QTGAL: variants seen among roughly 807,000 people sequenced by gnomAD.
The protein encoded by QTGAL is BGnT-like protein 1.
the QTGAL span, among the ~76,000 whole-genome samples, chr17:82,982,499 C>T: frequency 2.0e-5 from 3 of 152,126 alleles, no homozygotes; most frequent in South Asian, 2.1e-4. Flanking sequence ...CCTCCCGCCA[C>T]GTGAATGGGA....
At chr17:82,960,851 G>A in the QTGAL span, among the ~76,000 whole-genome samples, 29 of 152,366 alleles carry the variant, frequency 1.9e-4, no homozygotes, top group South Asian at 4.1e-4. Flanking sequence ...GCTCCCTGGC[G>A]CCCTTGGGAA....
At chr17:82,988,107 T>C in the QTGAL span, among the ~76,000 whole-genome samples, 6 of 152,336 alleles carry the variant, frequency 3.9e-5, no homozygotes, top group South Asian at 2.1e-4. Context: ...CTTGTGATTT[T>C]TGCACATTGA....
chr17:83,008,288 T>G, the QTGAL span, among the ~76,000 whole-genome samples: 6 of 152,178 alleles, frequency 3.9e-5, no homozygotes, highest in African/African-American at 1.4e-4. Flanking sequence ...TCGAGAAGTG[T>G]TGTGAGCTAA....
the QTGAL span, among the ~76,000 whole-genome samples, chr17:83,029,646 A>G: frequency 7.9e-5 from 12 of 152,202 alleles, no homozygotes; most frequent in Non-Finnish European, 1.6e-4. Context: ...AAGAATTCGC[A>G]GATTGGCTAT....
the QTGAL span, among the ~76,000 whole-genome samples, chr17:83,045,060 T>C: frequency 2.0e-5 from 3 of 152,182 alleles, no homozygotes; most frequent in Admixed American, 2.0e-4. Context: ...GAACAAACTA[T>C]TAAAGCTAAT....
chr17:82,965,200 C>T, the QTGAL span, among the ~76,000 whole-genome samples: 3 of 139,380 alleles, frequency 2.2e-5, no homozygotes, highest in Non-Finnish European at 3.1e-5. Flanking sequence ...TGCACTCCCA[C>T]GGGGGGGACG....
At chr17:82,997,929 A>AT in the QTGAL span, among the ~76,000 whole-genome samples, 34,770 of 122,276 alleles carry the variant, frequency 0.28, 4,280 homozygotes, top group South Asian at 0.37. Context: ...TTAAAAAAAA[A>AT]AATATATATA....
chr17:82,942,716 T>TTGTC, the QTGAL span: 2 of 592,144 alleles, frequency 3.4e-6, no homozygotes, highest in Non-Finnish European at 6.0e-6. Context: ...TTCCTGCCTT[T>TTGTC]TGTCTCTGAG....
At chr17:83,013,876 T>G in the QTGAL span, among the ~76,000 whole-genome samples, 1 of 152,150 alleles carries the variant, frequency 6.6e-6, no homozygotes, top group East Asian at 1.9e-4. Context: ...ACAGTCACCT[T>G]CCCTGAAGCC....
chr17:82,987,150 T>G, the QTGAL span, among the ~76,000 whole-genome samples: 10 of 152,382 alleles, frequency 6.6e-5, no homozygotes, highest in African/African-American at 2.4e-4. Context: ...TTACCCCATT[T>G]ACCCTAATAT....
chr17:83,014,498 G>A, the QTGAL span: 32 of 1,614,112 alleles, frequency 2.0e-5, 1 homozygote, highest in East Asian at 2.9e-4. Context: ...AGCCTCACCC[G>A]CTGGGGCATC....
chr17:82,978,941 G>A, the QTGAL span: 1 of 152,152 alleles, frequency 6.6e-6, no homozygotes, highest in African/African-American at 2.4e-5. This position sits in a 1 kb window ranked among gnomAD's most constrained non-coding sequence, Gnocchi z 4.8. Flanking sequence ...AAATGAAAAT[G>A]GAAGTACATT....
chr17:83,008,032 C>T, the QTGAL span, among the ~76,000 whole-genome samples: 12 of 152,370 alleles, frequency 7.9e-5, no homozygotes, highest in East Asian at 3.9e-4. Flanking sequence ...GGAGACCTCG[C>T]GCTCTCAAGA....
At chr17:83,014,308 G>C in the QTGAL span, 1 of 863,572 alleles carries the variant, frequency 1.2e-6, no homozygotes, top group Non-Finnish European at 1.8e-6. Flanking sequence ...AGGGCTCAGA[G>C]ACATGCCAGC....
At chr17:82,957,378 G>A in the QTGAL span, 3 of 1,613,280 alleles carry the variant, frequency 1.9e-6, no homozygotes, top group African/African-American at 1.3e-5. Flanking sequence ...GCTGCCGGCA[G>A]TCAAGCTGCG....
At chr17:83,000,591 AT>A in the QTGAL span, among the ~76,000 whole-genome samples, 1 of 152,110 alleles carries the variant, frequency 6.6e-6, no homozygotes, top group East Asian at 1.9e-4. Flanking sequence ...GTATTACATG[AT>A]TTAAAAACAC....
chr17:82,961,128 G>A, the QTGAL span: 74 of 1,607,962 alleles, frequency 4.6e-5, 1 homozygote, highest in Admixed American at 8.4e-4. Flanking sequence ...CGCGGATGAC[G>A]CCGCCGCCCT....
the QTGAL span, among the ~76,000 whole-genome samples, chr17:82,970,519 C>CGCACACAGCGTGG: frequency 2.6e-5 from 4 of 151,592 alleles, 2 homozygotes; most frequent in Non-Finnish European, 2.9e-5. Flanking sequence ...ACAGGTCCTC[C>CGCACACAGCGTGG]CCACCCAGCG....
At chr17:83,036,449 C>T in the QTGAL span, among the ~76,000 whole-genome samples, 3 of 152,350 alleles carry the variant, frequency 2.0e-5, no homozygotes, top group African/African-American at 7.2e-5. Flanking sequence ...GTGTGTGCAG[C>T]TTATGAACCT....
Sources: gnomAD v4.1 joint callset for allele counts (sites outside exome capture counted in the v4.1 genomes callset) on GRCh38, gnomAD v4.1.1 for gene constraint, Gnocchi (gnomAD v3.1) non-coding constraint, MANE v1.5 for transcripts, NCBI Gene and HGNC (gene_info 2026-07-23, HGNC 2026-07-21) for gene names.